PCDH11X: variants seen among roughly 807,000 people sequenced by gnomAD.
PCDH11X encodes the protein protocadherin 11 X-linked, also known as protocadherin-11 X-linked.
A neutral mutation model predicts 53.3 loss-of-function variants in PCDH11X; 18 were observed. The ratio of observed to expected loss-of-function variants is 0.34; its 90% CI spans 0.23 to 0.50. PCDH11X has a LOEUF of 0.50. PCDH11X is among the 20% of genes least tolerant of loss of function. PCDH11X has a pLI of 0.98. For synonymous variants in PCDH11X, 279 were observed against 393.3 expected (o/e 0.71, Z 3.44); for missense variants, 570 against 1,032.4 (o/e 0.55, Z 6.14).
intron 6 of PCDH11X, among the ~76,000 whole-genome samples, chrX:91,971,616 A>G (rs2061961537): frequency 8.9e-6 from 1 of 111,931 alleles, no homozygotes; most frequent in African/African-American, 3.2e-5. Context: ...GAGCAATTTG[A>G]CTTTTAGGCT....
intron 6 of PCDH11X, among the ~76,000 whole-genome samples, chrX:92,190,186 A>G (rs5942148): frequency 0.37 from 41,068 of 109,988 alleles, 5,754 homozygotes; most frequent in Admixed American, 0.58. Context: ...AGGGTTTTTT[A>G]TAGTTTTGGG....
chrX:91,910,572 T>G (rs912251013), intron 6 of PCDH11X, among the ~76,000 whole-genome samples: 1 of 110,930 alleles, frequency 9.0e-6, no homozygotes, highest in Non-Finnish European at 1.9e-5. Flanking sequence ...TGTTTGTTGA[T>G]TGGTTTGTTT....
intron 6 of PCDH11X, among the ~76,000 whole-genome samples, chrX:92,006,767 G>A (rs1238148507): frequency 3.6e-5 from 4 of 110,928 alleles, no homozygotes; most frequent in Non-Finnish European, 5.7e-5. Context: ...CTTTCCAGAT[G>A]TTTGAAAGGA....
rs756396040 is a variant in PCDH11X, at chrX:92,041,737, T to G, written c.3034-159638T>G. On this transcript the variant is annotated intron_variant, in intron 6 of 10. Transcript: ENST00000682573. ...CTGTAATCCCAGCACTTTGGGAGGC[T>G]GAGGTGGGCAGATTACGAGCTCAGG... is the stretch of plus-strand genomic sequence containing the variant. Among the ~76,000 whole-genome samples, 555 of 111,995 alleles carry G rather than the reference T, an allele frequency of 5.0e-3. 3 individuals carry two copies. The highest frequency in any genetic ancestry group is 8.2e-3 in the Non-Finnish European group (439 of 53,219).
At chrX:92,517,790 AG>A (rs2074294931) in intron 10 of PCDH11X, among the ~76,000 whole-genome samples, 1 of 110,768 alleles carries the variant, frequency 9.0e-6, no homozygotes, top group Non-Finnish European at 1.9e-5. Flanking sequence ...TATCATGAAA[AG>A]TTACATCCAT....
chrX:92,464,327 T>C (rs989782895), intron 9 of PCDH11X, among the ~76,000 whole-genome samples: 6 of 110,962 alleles, frequency 5.4e-5, no homozygotes, highest in African/African-American at 2.0e-4. Context: ...AGGGACCTGG[T>C]AGGAGGTAAT....
chrX:92,406,581 A>G (rs1351336374), intron 9 of PCDH11X, among the ~76,000 whole-genome samples: 1 of 97,921 alleles, frequency 1.0e-5, no homozygotes, highest in Non-Finnish European at 2.0e-5. Context: ...AATATTTTCA[A>G]AGATTACCAT....
At chrX:92,277,427 C>T (rs1196024565) in intron 8 of PCDH11X, among the ~76,000 whole-genome samples, 4 of 110,058 alleles carry the variant, frequency 3.6e-5, no homozygotes, top group African/African-American at 9.9e-5. Flanking sequence ...GGTTTTAGGT[C>T]GGGTGTGAGT....
chrX:91,830,713 A>G (rs1937076871), intron 4 of PCDH11X, among the ~76,000 whole-genome samples: 1 of 111,229 alleles, frequency 9.0e-6, no homozygotes, highest in African/African-American at 3.3e-5. Flanking sequence ...TAAATGGTGT[A>G]TTTTTGACTT....
chrX:91,872,441 A>G (rs1461214227), intron 5 of PCDH11X, among the ~76,000 whole-genome samples: 1 of 110,851 alleles, frequency 9.0e-6, no homozygotes, highest in Non-Finnish European at 1.9e-5. Flanking sequence ...AAGAGCCACT[A>G]CTTTAATTCA....
At chrX:92,264,861 A>G (rs1208787786) in intron 8 of PCDH11X, among the ~76,000 whole-genome samples, 2 of 101,228 alleles carry the variant, frequency 2.0e-5, no homozygotes, top group Non-Finnish European at 4.0e-5. Flanking sequence ...ATGGAAAAAG[A>G]GGTTCTTAGT....
intron 10 of PCDH11X, among the ~76,000 whole-genome samples, chrX:92,514,699 C>A (rs1439583310): frequency 9.2e-6 from 1 of 108,761 alleles, no homozygotes; most frequent in Non-Finnish European, 1.9e-5. Flanking sequence ...CCACTGCACT[C>A]CAGCCTGGGT....
At chrX:92,426,581 C>T (rs1391306758) in intron 9 of PCDH11X, among the ~76,000 whole-genome samples, 2 of 106,856 alleles carry the variant, frequency 1.9e-5, no homozygotes, top group Non-Finnish European at 3.9e-5. Flanking sequence ...TATAAAGGCA[C>T]AATTTTAACA....
At chrX:92,502,133 A>T (rs1348953242) in intron 10 of PCDH11X, among the ~76,000 whole-genome samples, 1 of 110,915 alleles carries the variant, frequency 9.0e-6, no homozygotes, top group Non-Finnish European at 1.9e-5. Context: ...TTACAAAAAG[A>T]ATAAAATACT....
rs771823629 is a variant in PCDH11X at position 92,111,219 on chromosome X, T to TAAAAAAAAAAAAAAAAAAAAA, written c.3034-90144_3034-90124dup. On this transcript the variant is annotated intron_variant, in intron 6 of 10. Transcript: ENST00000682573. ...GAGCTGGATTTGAATCACCTAACGC[T>TAAAAAAAAAAAAAAAAAAAAA]AAAAAAAAAAAAAAAAAAAAAAAAA... is the stretch of plus-strand genomic sequence containing the variant. Among the ~76,000 whole-genome samples the TAAAAAAAAAAAAAAAAAAAAA allele has an allele frequency of 2.5e-4, 5 of 19,815 alleles. 1 individual carries two copies. The highest frequency in any genetic ancestry group is 3.1e-4 in the African/African-American group (2 of 6,525). 17.2% of individuals were successfully genotyped at this position (19,815 alleles called of 115,157 possible).
At chrX:91,858,194 G>A (rs992185786) in intron 5 of PCDH11X, among the ~76,000 whole-genome samples, 6 of 109,218 alleles carry the variant, frequency 5.5e-5, no homozygotes, top group Admixed American at 9.8e-5. Context: ...GCTCTACATC[G>A]GACACTTTCA....
At chrX:91,891,363 G>T (rs966071116) in intron 6 of PCDH11X, among the ~76,000 whole-genome samples, 1 of 101,811 alleles carries the variant, frequency 9.8e-6, no homozygotes, top group South Asian at 4.8e-4. Context: ...GTCAGCAGGG[G>T]CTACTAGTTT....
intron 10 of PCDH11X, among the ~76,000 whole-genome samples, chrX:92,497,417 AT>A (rs368282010): frequency 0.22 from 22,639 of 105,183 alleles, 2,311 homozygotes; most frequent in Non-Finnish European, 0.31. Flanking sequence ...CTTTGTAAGA[AT>A]TTTTTTTTTT....
chrX:92,399,517 T>A (rs1297565294), intron 9 of PCDH11X, among the ~76,000 whole-genome samples: 1 of 111,799 alleles, frequency 8.9e-6, no homozygotes, highest in African/African-American at 3.3e-5. Flanking sequence ...AAACACATTG[T>A]ATTATATTTT....
Sources: gnomAD v4.1 joint callset for allele counts (sites outside exome capture counted in the v4.1 genomes callset) on GRCh38, gnomAD v4.1.1 for gene constraint, MANE v1.5 for transcripts, NCBI Gene and HGNC (gene_info 2026-07-23, HGNC 2026-07-21) for gene names.